ATP6V1A: variants seen among roughly 807,000 people sequenced by gnomAD.
ATP6V1A encodes ATPase H+ transporting V1 subunit A.
A neutral mutation model predicts 70.1 loss-of-function variants in ATP6V1A; 18 were observed. That is an observed-to-expected ratio of 0.26 (90% confidence interval 0.18 to 0.38). The LOEUF (loss-of-function observed/expected upper bound fraction) is 0.38, where lower values mean the gene tolerates loss of function less well. Among genes scored for constraint, ATP6V1A ranks in the 10% least tolerant of loss-of-function variants. ATP6V1A has a pLI of 1.00. For missense variants in ATP6V1A, 424 were observed against 772.4 expected (o/e 0.55, Z 5.35); for synonymous variants, 232 against 253.8 (o/e 0.91, Z 0.82).
At chr3:113,775,109 A>G (rs1206543613) in intron 1 of ATP6V1A, among the ~76,000 whole-genome samples, 1 of 152,066 alleles carries the variant, frequency 6.6e-6, no homozygotes, top group Non-Finnish European at 1.5e-5. Flanking sequence ...AGGGAAGTAG[A>G]TTTAGGTTGG....
intron 14 of ATP6V1A, 104 bp downstream of exon 14, chr3:113,805,629 C>A: frequency 8.7e-7 from 1 of 1,155,126 alleles, no homozygotes; most frequent in Non-Finnish European, 1.2e-6. Context: ...AGTGCAGTGG[C>A]ATGATCTTGT....
chr3:113,784,029 G>T (rs1306643203), intron 3 of ATP6V1A, among the ~76,000 whole-genome samples, 195 bp from the exon 4 acceptor site: 1 of 152,168 alleles, frequency 6.6e-6, no homozygotes, highest in Non-Finnish European at 1.5e-5. Context: ...TTTAATAAAT[G>T]CAAGTGTTAG....
intron 13 of ATP6V1A, among the ~76,000 whole-genome samples, chr3:113,803,959 C>G (rs564103604): frequency 6.6e-5 from 10 of 152,236 alleles, no homozygotes; most frequent in South Asian, 2.1e-4. Flanking sequence ...CCTTCAGAAG[C>G]CTTCTTCATT....
Position 113,802,088 on chromosome 3 carries a change from G to C in ATP6V1A, c.1495-1495G>C, listed in dbSNP as rs150918326. Among the ~76,000 whole-genome samples, 815 of 152,288 alleles carry C rather than the reference G, an allele frequency of 5.4e-3. 15 individuals carry two copies. Among genetic ancestry groups the C allele is most frequent in the Admixed American group, 0.034 (520 of 15,294 alleles). ...GGCAATTGTAGAATTTAGGGCTTTT[G>C]AGGTAGTGATATTTAAAGGGTGAAG... On this transcript the variant is annotated intron_variant, in intron 12 of 14. Coordinates refer to ENST00000273398, the MANE Select transcript of ATP6V1A (RefSeq NM_001690.4).
rs754012553 is a variant in ATP6V1A at position 113,788,743 on chromosome 3, T to G, written c.747T>G (p.Pro249=). Residue 249 remains proline (P), a synonymous_variant, in exon 7 of 15, where the codon CCT becomes CCG. Transcript: ENST00000273398. The part of the protein sequence containing the change: ...PCVQGGTTAI[P]GAFGCGKTVI... The stretch of plus-strand genomic sequence containing the variant: ...TCCAGGGAGGAACTACTGCTATCCC[T>G]GGAGCCTTTGGCTGTGGAAAGACAG... 6.2e-7 allele frequency: 1 copy of G among 1,613,924 alleles called. No individual in the cohort carries two copies. Among genetic ancestry groups the G allele is most frequent in the African/African-American group, 1.3e-5 (1 of 74,936 alleles).
intron 8 of ATP6V1A, among the ~76,000 whole-genome samples, chr3:113,793,729 C>T (rs1577093170): frequency 6.6e-6 from 1 of 152,022 alleles, no homozygotes; most frequent in Admixed American, 6.6e-5. Flanking sequence ...CCTGAACAGT[C>T]AGTATTTTTT....
intron 2 of ATP6V1A, among the ~76,000 whole-genome samples, chr3:113,779,448 A>G (rs913300893): frequency 1.1e-4 from 16 of 152,210 alleles, no homozygotes; most frequent in Non-Finnish European, 1.9e-4. Flanking sequence ...CCACTACACA[A>G]TGTGATTCAC....
Position 113,751,553 on chromosome 3 carries a change from A to T in ATP6V1A, c.-14+4440A>T, listed in dbSNP as rs530227152. ...CTTTATTTTAAATAAATGAAATGTG[A>T]GCAATAAAAATGTTTTCCATATAAT... On this transcript the variant is annotated intron_variant, in intron 1 of 14. Transcript: ENST00000273398. Among the ~76,000 whole-genome samples, 3 of 152,010 alleles carry T rather than the reference A, an allele frequency of 2.0e-5. No individual in the cohort carries two copies. In the South Asian group the frequency reaches 6.2e-4, roughly 31 times the overall value.
Position 113,808,287 on chromosome 3 carries a change from CTTTT to C in ATP6V1A, c.1762-1030_1762-1027del, listed in dbSNP as rs748064694. 8.9e-5 allele frequency among the ~76,000 whole-genome samples: 8 copies of C among 89,814 alleles called. No individual in the cohort carries two copies. The East Asian group carries it at 2.0e-3, about 23-fold the overall frequency. The allele number at this position is 89,814 out of a possible 152,430, so 58.9% of individuals were successfully genotyped here. A position where few individuals can be genotyped will look rare whatever the true frequency, so the allele number is the denominator to read the frequency against. Reference sequence around the variant, plus strand: ...ACCTGGAACATTTTAAAGTCTGTCTCTTTTTTTTTTTTTTTTTTTTTCTGAGACA... The same window carrying C: ...ACCTGGAACATTTTAAAGTCTGTCTCTTTTTTTTTTTTTTTTTCTGAGACA... On this transcript the variant is annotated intron_variant, in intron 14 of 14. Transcript: ENST00000273398.
chr3:113,784,594 TG>T, intron 4 of ATP6V1A, 101 bp from the exon 5 acceptor site: 1 of 1,459,828 alleles, frequency 6.9e-7, no homozygotes, highest in Non-Finnish European at 9.3e-7. Context: ...TTAGAACTAA[TG>T]TTTTATTGAT....
intron 14 of ATP6V1A, among the ~76,000 whole-genome samples, chr3:113,806,994 TTGTG>T (rs1047088533): frequency 2.0e-5 from 3 of 151,868 alleles, no homozygotes; most frequent in African/African-American, 7.2e-5. Context: ...TATATATATT[TTGTG>T]TGTGTGTTCA....
intron 8 of ATP6V1A, among the ~76,000 whole-genome samples, chr3:113,790,257 C>T (rs564806848): frequency 3.4e-4 from 50 of 145,098 alleles, no homozygotes; most frequent in African/African-American, 1.1e-3. Flanking sequence ...GAGCCGAGAT[C>T]GCGCCACTGC....
At chr3:113,763,652 G>A (rs1708731805) in intron 1 of ATP6V1A, among the ~76,000 whole-genome samples, 1 of 152,058 alleles carries the variant, frequency 6.6e-6, no homozygotes, top group Non-Finnish European at 1.5e-5. Context: ...ACTGTATTTA[G>A]TTCTAATACC....
chr3:113,803,577 T>C lies in ATP6V1A; in HGVS notation c.1495-6T>C. 1 of 1,592,772 alleles carries C rather than the reference T, an allele frequency of 6.3e-7. No homozygotes were observed. The highest frequency in any genetic ancestry group is 8.6e-7 in the Non-Finnish European group (1 of 1,166,436). ...AAATGTCTAAAAATATCTTTTTCTC[T>C]TCTAGGCTTCTTTGGCAGAAACAGA... is the stretch of plus-strand genomic sequence containing the variant. On this transcript the variant is annotated splice_region_variant and splice_polypyrimidine_tract_variant and intron_variant, in intron 12 of 14. Coordinates refer to ENST00000273398, the MANE Select transcript of ATP6V1A (RefSeq NM_001690.4).
intron 1 of ATP6V1A, among the ~76,000 whole-genome samples, chr3:113,766,284 TTCTC>T (rs1444368704): frequency 2.8e-5 from 4 of 141,682 alleles, no homozygotes; most frequent in South Asian, 2.2e-4. Context: ...CTCTCTCTCT[TTCTC>T]TCTCTCTTTC....
chr3:113,808,182 G>A (rs1234067073), intron 14 of ATP6V1A, among the ~76,000 whole-genome samples: 2 of 151,052 alleles, frequency 1.3e-5, no homozygotes, highest in African/African-American at 4.9e-5. Flanking sequence ...TATTGGTGTG[G>A]ACAACCATGT....
At chr3:113,788,913 AC>A in intron 7 of ATP6V1A, 38 bp downstream of exon 7, 1 of 1,565,756 alleles carries the variant, frequency 6.4e-7, no homozygotes, top group Non-Finnish European at 8.8e-7. Context: ...TAGAGAAAAT[AC>A]CACTCATCAG....
chr3:113,781,696 A>G (rs1446958480), intron 3 of ATP6V1A, among the ~76,000 whole-genome samples: 1 of 152,232 alleles, frequency 6.6e-6, no homozygotes, highest in Non-Finnish European at 1.5e-5. Context: ...AGAAATTAGT[A>G]TCTTCTGAAC....
Position 113,798,299 on chromosome 3 carries a change from T to C in ATP6V1A, c.1347T>C (p.Asn449=), listed in dbSNP as rs770215668. Residue 449 remains asparagine, a synonymous_variant, in exon 12 of 15, where the codon AAT becomes AAC. Transcript: ENST00000273398. ...LAQRKHFPSV[N]WLISYSKYMR... ...AACGTAAGCATTTCCCCTCTGTCAA[T>C]TGGCTCATCAGCTACAGCAAGTATA... The C allele has an allele frequency of 5.0e-6, 8 of 1,614,022 alleles. No homozygotes were observed. In the Admixed American group the frequency reaches 5.0e-5, roughly 10 times the overall value.
Sources: allele counts gnomAD v4.1 joint callset (sites outside exome capture counted in the v4.1 genomes callset), GRCh38; gene constraint gnomAD v4.1.1; transcripts MANE v1.5; gene names NCBI Gene and HGNC (gene_info 2026-07-23, HGNC 2026-07-21).